The following CNDP1 variants were observed in gnomAD, a reference collection of about 807,000 sequenced individuals.
The protein encoded by CNDP1 is beta-Ala-His dipeptidase.
Under a neutral mutation model 58.1 loss-of-function variants are expected in CNDP1, and 44 were observed. That is an observed-to-expected ratio of 0.76 (90% CI 0.60 to 0.97). CNDP1 has a LOEUF of 0.97. Ranked by LOEUF, CNDP1 falls within the 50% of genes least tolerant of loss-of-function variation. CNDP1 has a pLI of 0.00. For synonymous variants in CNDP1, 254 were observed against 252.6 expected (o/e 1.01, Z -0.05); for missense variants, 616 against 655.1 (o/e 0.94, Z 0.65).
chr18:74,551,410 A>G (rs1980906985), intron 1 of CNDP1, among the ~76,000 whole-genome samples: 1 of 152,052 alleles, frequency 6.6e-6, no homozygotes, highest in Admixed American at 6.6e-5. Context: ...AAACAGAGGC[A>G]TGGAGGAACA....
rs1404056364 is a variant in CNDP1, at chr18:74,558,711, A to G, written c.154-612A>G. ...ACCCGGCTGGGAGCATTACTTTCTCATGCAGATGAGAAAACTCAGGCTAAG... is the reference window on the plus strand; with the variant it reads ...ACCCGGCTGGGAGCATTACTTTCTCGTGCAGATGAGAAAACTCAGGCTAAG... On this transcript the variant is annotated intron_variant, in intron 2 of 11. Coordinates refer to ENST00000358821, the MANE Select transcript of CNDP1 (RefSeq NM_032649.6). Among the ~76,000 whole-genome samples the G allele has an allele frequency of 3.3e-5, 5 of 152,214 alleles. No individual in the cohort carries two copies. In the East Asian group the frequency reaches 9.7e-4, roughly 29 times the overall value.
At chr18:74,537,350 T>C (rs953585586) in intron 1 of CNDP1, among the ~76,000 whole-genome samples, 4 of 152,242 alleles carry the variant, frequency 2.6e-5, no homozygotes, top group African/African-American at 9.6e-5. Flanking sequence ...ATCTTCTGCA[T>C]ATGGCTAATG....
Position 74,587,132 on chromosome 18 carries a change from G to A in CNDP1, c.*2570G>A, listed in dbSNP as rs1981933395. 6.6e-6 allele frequency: 1 copy of A among 152,180 alleles called. No individual in the cohort carries two copies. Among genetic ancestry groups the A allele is most frequent in the African/African-American group, 2.4e-5 (1 of 41,428 alleles). The allele number at this position is 152,180 out of a possible 1,614,324, so 9.4% of individuals were successfully genotyped here. On this transcript the variant is annotated 3_prime_UTR_variant, in exon 12 of 12. Coordinates refer to ENST00000358821, the MANE Select transcript of CNDP1 (RefSeq NM_032649.6). Reference sequence around the variant, plus strand: ...GGAATATCATTTGAGTTTGGTAGATGCTTTTCTGGAAAACAATGAGGCTGG... The same window carrying A: ...GGAATATCATTTGAGTTTGGTAGATACTTTTCTGGAAAACAATGAGGCTGG...
chr18:74,582,723 GA>G (rs1393614415), intron 10 of CNDP1, among the ~76,000 whole-genome samples: 1 of 152,180 alleles, frequency 6.6e-6, no homozygotes, highest in Non-Finnish European at 1.5e-5. Context: ...CAGCATACAA[GA>G]AACTAAGAAG....
In CNDP1 at chr18:74,567,531, T is replaced by C. The variant is rs958463405; in HGVS notation, c.756+98T>C. On this transcript the variant is annotated intron_variant, in intron 6 of 11. Coordinates refer to ENST00000358821, the MANE Select transcript of CNDP1 (RefSeq NM_032649.6). ...TCTTGGAGAGGAAGAAAGAAAGCTT[T>C]CCTGAGGGCAGAGGCCTTACCTGGG... 49 of 1,103,388 alleles carry C rather than the reference T, an allele frequency of 4.4e-5. 1 individual carries two copies. Among genetic ancestry groups the C allele is most frequent in the Non-Finnish European group, 5.8e-5 (43 of 735,368 alleles). 68.3% of individuals were successfully genotyped at this position (1,103,388 alleles called of 1,614,324 possible). A position where few individuals can be genotyped will look rare whatever the true frequency, so the allele number is the denominator to read the frequency against.
At chr18:74,544,970 G>C (rs953190495) in intron 1 of CNDP1, among the ~76,000 whole-genome samples, 1 of 152,064 alleles carries the variant, frequency 6.6e-6, no homozygotes, top group African/African-American at 2.4e-5. Flanking sequence ...AAAGAGGCTG[G>C]CTGTGCACAC....
rs201083769 is a variant in CNDP1, at chr18:74,572,812, G to A, written c.841+1542G>A. 9.0e-3 allele frequency among the ~76,000 whole-genome samples: 949 copies of A among 105,016 alleles called. 6 individuals carry two copies. Among genetic ancestry groups the A allele is most frequent in the East Asian group, 0.032 (109 of 3,426 alleles). The allele number at this position is 105,016 out of a possible 152,430, so 68.9% of individuals were successfully genotyped here. A position where few individuals can be genotyped will look rare whatever the true frequency, so the allele number is the denominator to read the frequency against. ...TATCAAAAAAAAAAAAAAAAAAAAA[G>A]AAAGAAAGAAAGAAAGAAAAATAAT... On this transcript the variant is annotated intron_variant, in intron 7 of 11. Coordinates refer to ENST00000358821, the MANE Select transcript of CNDP1 (RefSeq NM_032649.6).
chr18:74,580,316 C>T, intron 10 of CNDP1, 45 bp downstream of exon 10: 1 of 1,602,314 alleles, frequency 6.2e-7, no homozygotes, highest in South Asian at 1.1e-5. Flanking sequence ...CACTGGGACT[C>T]AGGGGTGGTA....
intron 5 of CNDP1, 124 bp from the exon 6 acceptor site, chr18:74,567,109 C>T: frequency 2.7e-6 from 2 of 730,180 alleles, no homozygotes; most frequent in Non-Finnish European, 4.8e-6. Flanking sequence ...TCAATTACCT[C>T]CCCCTGGGTC....
chr18:74,537,352 T>C (rs1210124490), intron 1 of CNDP1, among the ~76,000 whole-genome samples: 5 of 152,250 alleles, frequency 3.3e-5, no homozygotes, highest in Admixed American at 1.3e-4. Flanking sequence ...CTTCTGCATA[T>C]GGCTAATGGC....
At chr18:74,572,803 AAAAAAAAAG>A (rs1220283872) in intron 7 of CNDP1, among the ~76,000 whole-genome samples, 6 of 141,548 alleles carry the variant, frequency 4.2e-5, no homozygotes, top group Admixed American at 7.2e-5. Flanking sequence ...AAAAAAAAAA[AAAAAAAAAG>A]AAAGAAAGAA....
intron 9 of CNDP1, among the ~76,000 whole-genome samples, chr18:74,579,213 C>CCCTTGCCTTG (rs1555711494): frequency 5.1e-4 from 29 of 56,346 alleles, no homozygotes; most frequent in Non-Finnish European, 8.3e-4. Context: ...GCCTTCCCTT[C>CCCTTGCCTTG]CCTTCCCTTC....
Position 74,560,860 on chromosome 18 carries a change from C to G in CNDP1, c.308C>G (p.Pro103Arg), listed in dbSNP as rs780806775. 5.0e-6 allele frequency: 8 copies of G among 1,612,104 alleles called. No homozygotes were observed. Among genetic ancestry groups the G allele is most frequent in the Non-Finnish European group, 6.8e-6 (8 of 1,178,418 alleles). ...ASVDMGPQQL[P>R]DGQSLPIPPV... Reference sequence around the variant, plus strand: ...TGATTCCTGATCATTCTGCAGCTGCCCGATGGTCAGAGTCTTCCAATACCT... The same window carrying G: ...TGATTCCTGATCATTCTGCAGCTGCGCGATGGTCAGAGTCTTCCAATACCT... Residue 103 changes from proline to arginine, a missense_variant, in exon 4 of 12, where the codon CCC (proline) becomes CGC (arginine). Coordinates refer to ENST00000358821, the MANE Select transcript of CNDP1 (RefSeq NM_032649.6).
chr18:74,550,349 C>T (rs1455199949), intron 1 of CNDP1, among the ~76,000 whole-genome samples: 1 of 152,208 alleles, frequency 6.6e-6, no homozygotes, highest in Non-Finnish European at 1.5e-5. Context: ...GGGTTTTACA[C>T]TTGCATGGGG....
intron 1 of CNDP1, among the ~76,000 whole-genome samples, chr18:74,554,822 G>A (rs1296613430): frequency 6.6e-6 from 1 of 152,188 alleles, no homozygotes; most frequent in African/African-American, 2.4e-5. Context: ...CCTTTAAAAA[G>A]ATCACCCAGG....
rs549102142 is a variant in CNDP1, at chr18:74,551,209, G to A, written c.25-5129G>A. On this transcript the variant is annotated intron_variant, in intron 1 of 11. Coordinates refer to ENST00000358821, the MANE Select transcript of CNDP1 (RefSeq NM_032649.6). ...TTGAGACCTCCTCACAAGGTGAGCT[G>A]ATGCTGGCACCATGCTTCCTGTACA... Among the ~76,000 whole-genome samples the A allele has an allele frequency of 8.5e-4, 130 of 152,170 alleles. 1 individual carries two copies. The highest frequency in any genetic ancestry group is 3.0e-3 in the African/African-American group (126 of 41,510).
chr18:74,560,495 C>A (rs1255913182), intron 3 of CNDP1, among the ~76,000 whole-genome samples: 2 of 152,178 alleles, frequency 1.3e-5, no homozygotes, highest in East Asian at 3.9e-4. Flanking sequence ...ATTAGTTGAG[C>A]CTGCCCAGCT....
At chr18:74,581,114 C>A (rs1303263363) in intron 10 of CNDP1, among the ~76,000 whole-genome samples, 1 of 151,376 alleles carries the variant, frequency 6.6e-6, no homozygotes. Flanking sequence ...TTCCTGGTCA[C>A]AAAGAGACTG....
chr18:74,576,516 A>G (rs959425789), intron 7 of CNDP1: 1 of 192,522 alleles, frequency 5.2e-6, no homozygotes, highest in African/African-American at 2.3e-5. Flanking sequence ...AATCAGGATA[A>G]GACAAAACTA....
Sources: allele counts gnomAD v4.1 joint callset (sites outside exome capture counted in the v4.1 genomes callset), GRCh38; gene constraint gnomAD v4.1.1; transcripts MANE v1.5; gene names NCBI Gene and HGNC (gene_info 2026-07-23, HGNC 2026-07-21).